The following HCN1 variants were observed in gnomAD, a reference collection of about 807,000 sequenced individuals.
HCN1 encodes potassium/sodium hyperpolarization-activated cyclic nucleotide-gated channel 1.
HCN1 carries 13 observed loss-of-function variants against 78.9 expected under a neutral mutation model. That is an observed-to-expected ratio of 0.16 (90% CI 0.11 to 0.26). The LOEUF is 0.26. HCN1 is among the 10% of genes least tolerant of loss of function. HCN1 has a pLI of 1.00. For synonymous variants in HCN1, 552 were observed against 455.5 expected, an observed-to-expected ratio of 1.21 and a Z score of -2.70; for missense variants, 810 against 1,154.3, an observed-to-expected ratio of 0.70 and a Z score of 4.32.
chr5:45,517,827 C>T (rs1460501962), intron 2 of HCN1, among the ~76,000 whole-genome samples: 1 of 151,912 alleles, frequency 6.6e-6, no homozygotes, highest in African/African-American at 2.4e-5. Flanking sequence ...GATAATATCC[C>T]CAATGAAATG....
chr5:45,534,990 T>A (rs1019307582), intron 2 of HCN1, among the ~76,000 whole-genome samples: 19 of 152,222 alleles, frequency 1.2e-4, no homozygotes, highest in Non-Finnish European at 2.4e-4. Context: ...CAGTAAGACT[T>A]GGCAATTCTA....
At chr5:45,352,165 G>A (rs1486123943) in intron 5 of HCN1, among the ~76,000 whole-genome samples, 1 of 152,116 alleles carries the variant, frequency 6.6e-6, no homozygotes, top group Non-Finnish European at 1.5e-5. Flanking sequence ...AGAAAATGTG[G>A]CACATATACA....
chr5:45,611,564 G>A (rs1391550337), intron 2 of HCN1, among the ~76,000 whole-genome samples: 2 of 151,932 alleles, frequency 1.3e-5, no homozygotes, highest in Non-Finnish European at 2.9e-5. Flanking sequence ...GAGCCACGGT[G>A]CCTGGCCCCT....
chr5:45,309,806 A>G (rs1480888989), intron 5 of HCN1, among the ~76,000 whole-genome samples: 6 of 152,102 alleles, frequency 3.9e-5, no homozygotes, highest in African/African-American at 1.4e-4. Context: ...ATGTTCATCA[A>G]GGATATTGGG....
intron 5 of HCN1, among the ~76,000 whole-genome samples, chr5:45,352,126 C>G (rs961551632): frequency 3.9e-5 from 6 of 152,084 alleles, no homozygotes; most frequent in Non-Finnish European, 7.3e-5. Flanking sequence ...GGAACCAACC[C>G]AAATGTCCAA....
chr5:45,372,726 C>G lies in HCN1; in HGVS notation c.1231-19480G>C, dbSNP rs1027234186. On this transcript the variant is annotated intron_variant, in intron 4 of 7. Transcript: ENST00000303230. ...ACGTATTTATATATAAAAATATATA[C>G]GTATTTATATAAAAATATATACGTA... Among the ~76,000 whole-genome samples the G allele has an allele frequency of 3.6e-5, 5 of 138,646 alleles. No individual in the cohort carries two copies. In the South Asian group the frequency reaches 1.1e-3, roughly 32 times the overall value. 91.0% of individuals were successfully genotyped at this position (138,646 alleles called of 152,430 possible).
At chr5:45,666,347 A>G (rs1200806339) in intron 1 of HCN1, among the ~76,000 whole-genome samples, 8 of 152,100 alleles carry the variant, frequency 5.3e-5, no homozygotes, top group Middle Eastern at 3.2e-3. Context: ...ATATTTATTC[A>G]TACTTCACAT....
At chr5:45,478,497 G>A (rs1741572503) in intron 2 of HCN1, among the ~76,000 whole-genome samples, 1 of 152,084 alleles carries the variant, frequency 6.6e-6, no homozygotes, top group African/African-American at 2.4e-5. Context: ...ATACAAAATG[G>A]GATTATCAGT....
At chr5:45,363,132 T>TTATATATATATACATATATA (rs1294022037) in intron 4 of HCN1, among the ~76,000 whole-genome samples, 1 of 116,064 alleles carries the variant, frequency 8.6e-6, no homozygotes, top group Non-Finnish European at 1.7e-5. Flanking sequence ...ATATAACATA[T>TTATATATATATACATATATA]TATATATATA....
intron 1 of HCN1, among the ~76,000 whole-genome samples, chr5:45,672,496 T>C (rs1416867518): frequency 6.6e-6 from 1 of 150,840 alleles, no homozygotes; most frequent in East Asian, 1.9e-4. Context: ...TCAGTACATA[T>C]ATTATCAACC....
chr5:45,292,233 A>T (rs967809382), intron 6 of HCN1, among the ~76,000 whole-genome samples: 5 of 152,002 alleles, frequency 3.3e-5, no homozygotes, highest in Non-Finnish European at 7.4e-5. Flanking sequence ...TAATCTTACA[A>T]TTGATAACTA....
intron 4 of HCN1, among the ~76,000 whole-genome samples, chr5:45,375,112 A>G (rs1364188488): frequency 8.0e-6 from 1 of 124,288 alleles, no homozygotes; most frequent in East Asian, 2.1e-4. Context: ...TTTATAATAT[A>G]TAATATATTA....
intron 2 of HCN1, among the ~76,000 whole-genome samples, chr5:45,611,931 A>T (rs2589181): frequency 0.42 from 63,512 of 151,924 alleles, 14,797 homozygotes; most frequent in African/African-American, 0.63. Context: ...TGAAAAAAAA[A>T]TATAGATCTG....
intron 4 of HCN1, among the ~76,000 whole-genome samples, chr5:45,368,702 C>G (rs1747285919): frequency 7.8e-6 from 1 of 128,176 alleles, no homozygotes; most frequent in African/African-American, 3.9e-5. Context: ...TCATCAAAAC[C>G]TCATCTTACT....
chr5:45,396,783 C>G, intron 3 of HCN1, 73 bp from the exon 4 acceptor site: 1 of 1,089,910 alleles, frequency 9.2e-7, no homozygotes, highest in Non-Finnish European at 1.4e-6. Flanking sequence ...AGGACCTGTA[C>G]ACAGAAGCAT....
rs1579759992 is a variant in HCN1, at chr5:45,258,920, A to T, written c.*3001T>A. The T allele has an allele frequency of 1.3e-5, 2 of 152,038 alleles. No individual in the cohort carries two copies. Among genetic ancestry groups the T allele is most frequent in the East Asian group, 3.8e-4 (2 of 5,198 alleles). The allele number at this position is 152,038 out of a possible 1,614,324, so 9.4% of individuals were successfully genotyped here. ...CAATTATTTACCATTATTACAGGAA[A>T]ATTATTTCTCATCTGTATATCCAAT... On this transcript the variant is annotated 3_prime_UTR_variant, in exon 8 of 8. Coordinates refer to ENST00000303230, the MANE Select transcript of HCN1 (RefSeq NM_021072.4).
chr5:45,326,637 C>T (rs143486966), intron 5 of HCN1, among the ~76,000 whole-genome samples: 131 of 151,554 alleles, frequency 8.6e-4, no homozygotes, highest in African/African-American at 3.2e-3. Flanking sequence ...GGTAATTAGC[C>T]TAAAATAAAA....
chr5:45,334,569 TAGTA>T (rs1242300947), intron 5 of HCN1, among the ~76,000 whole-genome samples: 5 of 151,964 alleles, frequency 3.3e-5, no homozygotes, highest in African/African-American at 1.2e-4. Context: ...TCCAAGAATA[TAGTA>T]AGTACTTCCT....
intron 6 of HCN1, among the ~76,000 whole-genome samples, chr5:45,285,867 G>A (rs1414993551): frequency 6.6e-6 from 1 of 151,892 alleles, no homozygotes; most frequent in Non-Finnish European, 1.5e-5. Context: ...AATGACCCAG[G>A]ATTTGTTCTG....
Sources: gnomAD v4.1 joint callset for allele counts (sites outside exome capture counted in the v4.1 genomes callset) on GRCh38, gnomAD v4.1.1 for gene constraint, MANE v1.5 for transcripts, NCBI Gene and HGNC (gene_info 2026-07-23, HGNC 2026-07-21) for gene names.